ATAD2B: variants seen among roughly 807,000 people sequenced by gnomAD.
The protein encoded by ATAD2B is ATPase family AAA domain containing 2B, also known as ATPase family AAA domain-containing protein 2B.
Under a neutral mutation model 167.6 loss-of-function variants are expected in ATAD2B, and 40 were observed. That is an observed-to-expected ratio of 0.24 (90% confidence interval 0.19 to 0.31). The LOEUF is 0.31. ATAD2B is among the 10% of genes least tolerant of loss of function. The pLI is 1.00. For missense variants in ATAD2B, 1,242 were observed against 1,757.2 expected (o/e 0.71, Z 5.24); for synonymous variants, 579 against 596.5 (o/e 0.97, Z 0.43).
At chr2:23,802,803 A>C (rs895988030) in intron 18 of ATAD2B, among the ~76,000 whole-genome samples, 2 of 152,144 alleles carry the variant, frequency 1.3e-5, no homozygotes, top group African/African-American at 4.8e-5. Context: ...GTACATTATT[A>C]ATACTTTCAT....
At chr2:23,804,317 G>C (rs1486989619) in intron 18 of ATAD2B, among the ~76,000 whole-genome samples, 1 of 152,080 alleles carries the variant, frequency 6.6e-6, no homozygotes, top group East Asian at 1.9e-4. Flanking sequence ...CAAGACATCT[G>C]GTCTCTGGCC....
the ATAD2B span, among the ~76,000 whole-genome samples, chr2:23,718,850 A>G: frequency 9.9e-4 from 150 of 152,218 alleles, no homozygotes; most frequent in African/African-American, 3.5e-3. Flanking sequence ...CCATCTTCAG[A>G]TCACATCACG....
chr2:23,917,973 G>A (rs906233198), intron 1 of ATAD2B, among the ~76,000 whole-genome samples: 2 of 151,760 alleles, frequency 1.3e-5, no homozygotes, highest in South Asian at 2.1e-4. Flanking sequence ...CAGGAGAATC[G>A]CTTGAACGCC....
At chr2:23,890,833 G>C (rs568862620) in intron 2 of ATAD2B, among the ~76,000 whole-genome samples, 1 of 152,202 alleles carries the variant, frequency 6.6e-6, no homozygotes, top group African/African-American at 2.4e-5. Flanking sequence ...AGAAGACAAT[G>C]CTTACTTGGC....
chr2:23,696,087 C>T, the ATAD2B span: 37 of 1,551,708 alleles, frequency 2.4e-5, no homozygotes, highest in South Asian at 9.5e-5. This position sits in a 1 kb window ranked among gnomAD's most constrained non-coding sequence, Gnocchi z 5.5. Context: ...TCTATGACCG[C>T]GAGTTCTTCA....
chr2:23,870,160 T>C (rs1356261572), intron 8 of ATAD2B, among the ~76,000 whole-genome samples: 2 of 148,380 alleles, frequency 1.3e-5, no homozygotes, highest in African/African-American at 2.5e-5. Flanking sequence ...TGAGCTGAGA[T>C]TGCACCAGTG....
intron 15 of ATAD2B, among the ~76,000 whole-genome samples, chr2:23,827,417 T>C (rs1313865671): frequency 1.3e-5 from 2 of 152,192 alleles, no homozygotes; most frequent in African/African-American, 4.8e-5. Flanking sequence ...AACTAGAGTA[T>C]ATAATATTTC....
intron 1 of ATAD2B, among the ~76,000 whole-genome samples, chr2:23,910,049 C>A (rs1382666815): frequency 1.3e-5 from 2 of 151,566 alleles, no homozygotes; most frequent in African/African-American, 4.8e-5. Context: ...TTTTTAATAG[C>A]GGTGAGGTCT....
At chr2:23,729,327 C>T in the ATAD2B span, among the ~76,000 whole-genome samples, 1 of 152,156 alleles carries the variant, frequency 6.6e-6, no homozygotes, top group Admixed American at 6.5e-5. Flanking sequence ...TCACAGTGAA[C>T]TTTGAAATGA....
chr2:23,881,177 T>A (rs907889408), intron 6 of ATAD2B, among the ~76,000 whole-genome samples: 5 of 152,180 alleles, frequency 3.3e-5, no homozygotes, highest in African/African-American at 1.2e-4. Context: ...TATAGGTAAT[T>A]ACTAATGTTA....
At chr2:23,744,139 G>T (rs1674670780), downstream of ATAD2B, among the ~76,000 whole-genome samples, 1 of 151,962 alleles carries the variant, frequency 6.6e-6, no homozygotes, top group Non-Finnish European at 1.5e-5. Flanking sequence ...GTGTGGTGAG[G>T]GCAGATATTA....
chr2:23,739,012 T>C, the ATAD2B span, among the ~76,000 whole-genome samples: 1 of 152,186 alleles, frequency 6.6e-6, no homozygotes, highest in African/African-American at 2.4e-5. Flanking sequence ...ATCCTAAATA[T>C]ATATGCACCC....
At chr2:23,879,886 C>T (rs1697591651) in intron 7 of ATAD2B, among the ~76,000 whole-genome samples, 1 of 151,842 alleles carries the variant, frequency 6.6e-6, no homozygotes, top group South Asian at 2.1e-4. Context: ...GAAACCCTGT[C>T]TCTACTGAAA....
At chr2:23,844,643 T>C (rs1322570471) in intron 13 of ATAD2B, among the ~76,000 whole-genome samples, 1 of 152,038 alleles carries the variant, frequency 6.6e-6, no homozygotes, top group Non-Finnish European at 1.5e-5. Flanking sequence ...AAAGAAAAGA[T>C]TAGTGAACTA....
At position 23,754,652 on chromosome 2, in the gene ATAD2B, A is replaced by G. The variant is rs774774302; in HGVS notation, c.4201T>C (p.Leu1401=). ...CTGGGAATAGCTAAGCTTACCTTCA[A>G]TCTCTCACGATCAACTATAAGAGGA... ...VPPLIVDRER[L]KKLLDLLVDK... is the part of the protein sequence containing the mutation. Residue 1401 remains leucine, a synonymous_variant, in exon 26 of 28, where the codon TTG becomes CTG. Transcript: ENST00000238789. 3.1e-6 allele frequency: 5 copies of G among 1,611,520 alleles called. No homozygotes were observed. Among genetic ancestry groups the G allele is most frequent in the Admixed American group, 3.4e-5 (2 of 59,614 alleles).
intron 21 of ATAD2B, 167 bp downstream of exon 21, chr2:23,785,860 C>A: frequency 1.9e-6 from 1 of 533,286 alleles, no homozygotes; most frequent in South Asian, 4.2e-5. Flanking sequence ...CAAAAGTCAC[C>A]AGATGTTTGC....
At chr2:23,829,387 C>T (rs1425945943) in intron 14 of ATAD2B, among the ~76,000 whole-genome samples, 3 of 152,136 alleles carry the variant, frequency 2.0e-5, no homozygotes, top group Non-Finnish European at 4.4e-5. Context: ...TTATGATCAA[C>T]AATGAGCAAA....
At chr2:23,853,092 T>C (rs1474528356) in intron 13 of ATAD2B, among the ~76,000 whole-genome samples, 2 of 152,068 alleles carry the variant, frequency 1.3e-5, no homozygotes, top group African/African-American at 4.8e-5. Flanking sequence ...ATAGTGGAAA[T>C]CCCTCAATGT....
chr2:23,913,685 A>G (rs965909082), intron 1 of ATAD2B, among the ~76,000 whole-genome samples: 2 of 152,024 alleles, frequency 1.3e-5, no homozygotes, highest in African/African-American at 4.8e-5. Flanking sequence ...GAGTAACTCT[A>G]TAATCTCAAT....
Sources: gnomAD v4.1 joint callset for allele counts (sites outside exome capture counted in the v4.1 genomes callset) on GRCh38, gnomAD v4.1.1 for gene constraint, Gnocchi (gnomAD v3.1) non-coding constraint, MANE v1.5 for transcripts, NCBI Gene and HGNC (gene_info 2026-07-23, HGNC 2026-07-21) for gene names.